APAF1: variants seen among roughly 807,000 people sequenced by gnomAD.
APAF1 encodes apoptotic protease-activating factor 1.
APAF1 carries 91 observed loss-of-function variants against 152.4 expected under a neutral mutation model. The ratio of observed to expected loss-of-function variants is 0.60; its 90% CI spans 0.50 to 0.71. The LOEUF is 0.71. Ranked by LOEUF, APAF1 falls within the 30% of genes least tolerant of loss-of-function variation. The pLI is 0.00. For synonymous variants in APAF1, 484 were observed against 494.1 expected (o/e 0.98, Z 0.27); for missense variants, 1,283 against 1,472.0 (o/e 0.87, Z 2.10).
At chr12:98,690,735 C>T (rs962863695) in intron 16 of APAF1, among the ~76,000 whole-genome samples, 5 of 152,170 alleles carry the variant, frequency 3.3e-5, no homozygotes, top group African/African-American at 4.8e-5. Context: ...CCACTAGTGC[C>T]TATTCTAATC....
In APAF1 at chr12:98,648,396, A is replaced by G. The variant is rs966090697; in HGVS notation, c.37A>G (p.Arg13Gly). 4.3e-6 allele frequency: 7 copies of G among 1,614,132 alleles called. No individual in the cohort carries two copies. In the Middle Eastern group the frequency reaches 6.6e-4, roughly 152 times the overall value. Reference protein sequence around the residue: ...AKARNCLLQHREALEKDIKTS... With the variant: ...AKARNCLLQHGEALEKDIKTS... ...AGCTCGAAATTGTTTGCTTCAACAT[A>G]GAGAAGCTCTGGAAAAGGACATCAA... The change falls in exon 2 of 27, where the codon AGA becomes GGA. Residue 13 changes from arginine (R) to glycine (G), a missense_variant. Physicochemically the swap from Arg to Gly is moderately radical, Grantham distance 125. Coordinates refer to ENST00000551964, the MANE Select transcript of APAF1 (RefSeq NM_181861.2).
intron 26 of APAF1, among the ~76,000 whole-genome samples, chr12:98,727,679 GC>G (rs777125322): frequency 6.6e-6 from 1 of 152,070 alleles, no homozygotes; most frequent in Non-Finnish European, 1.5e-5. Context: ...GGTGGCTCAC[GC>G]CTGTAATCCT....
At position 98,667,501 on chromosome 12, in the gene APAF1, A is replaced by T. The variant is rs2097674528; in HGVS notation, c.1363-12A>T. On this transcript the variant is annotated splice_polypyrimidine_tract_variant and intron_variant, in intron 9 of 26. Coordinates refer to ENST00000551964, the MANE Select transcript of APAF1 (RefSeq NM_181861.2). The stretch of plus-strand genomic sequence containing the variant: ...TTGTTTCTGGCTTCTGAAACGTTTC[A>T]TTGGGTTGCAGGATCTACATAAGAA... 6.2e-7 allele frequency: 1 copy of T among 1,613,088 alleles called. No homozygotes were observed. The highest frequency in any genetic ancestry group is 8.5e-7 in the Non-Finnish European group (1 of 1,179,762).
chr12:98,706,716 C>A, intron 19 of APAF1, 106 bp downstream of exon 19: 9 of 1,264,624 alleles, frequency 7.1e-6, no homozygotes, highest in Non-Finnish European at 6.9e-6. Context: ...GAATAGGAAA[C>A]TAGTACTATA....
Position 98,671,647 on chromosome 12 carries a change from C to G in APAF1, c.1721C>G (p.Ser574Ter). The G allele has an allele frequency of 6.2e-7, 1 of 1,613,894 alleles. No homozygotes were observed. Residue 574 changes from serine (S) to a stop codon, truncating the protein, a stop_gained, in exon 12 of 27, where the codon TCA becomes TGA. Transcript: ENST00000551964. LOFTEE classifies it high-confidence loss of function. Reference protein sequence around the residue: ...VQLGLCEPETSEVYQQAKLQA... With the variant: ...VQLGLCEPET ...CTGGGTCTCTGTGAGCCGGAAACTT[C>G]AGAAGTTTATCAGCAAGCTAAGCTG...
chr12:98,659,752 GAA>G (rs34536171), intron 5 of APAF1, among the ~76,000 whole-genome samples: 47 of 89,898 alleles, frequency 5.2e-4, no homozygotes, highest in African/African-American at 1.8e-3. Context: ...AACTCCATCA[GAA>G]AAAAAAAAAA....
intron 17 of APAF1, among the ~76,000 whole-genome samples, chr12:98,702,592 A>G (rs1247930259): frequency 1.3e-5 from 2 of 152,018 alleles, no homozygotes; most frequent in African/African-American, 2.4e-5. Context: ...TGGGAGGCCA[A>G]GGTGGGCGGA....
At chr12:98,700,745 T>C (rs866874267) in intron 17 of APAF1, among the ~76,000 whole-genome samples, 1 of 152,312 alleles carries the variant, frequency 6.6e-6, no homozygotes. Flanking sequence ...AAACAGAAAC[T>C]TTGTAACCAT....
intron 1 of APAF1, among the ~76,000 whole-genome samples, chr12:98,648,044 T>C (rs1311993334): frequency 6.6e-6 from 1 of 152,150 alleles, no homozygotes; most frequent in Non-Finnish European, 1.5e-5. Flanking sequence ...TCCTTAGAAA[T>C]GGGATTTCTG....
chr12:98,677,454 GC>G lies in APAF1; in HGVS notation c.1824del (p.Leu609Ter). On this transcript the variant is annotated frameshift_variant, in exon 13 of 27. Transcript: ENST00000551964. LOFTEE classifies it high-confidence loss of function. Reference sequence around the variant, plus strand: ...AAAAAAAACATCACGAATCTTTCCCGCTTAGTTGTCCGCCCCCACACAGATG... The same window carrying G: ...AAAAAAAACATCACGAATCTTTCCCGTTAGTTGTCCGCCCCCACACAGATG... ...INKKNITNLS[R>X]LVVRPHTDAV... 1 of 1,613,756 alleles carries G rather than the reference GC, an allele frequency of 6.2e-7. No individual in the cohort carries two copies. The highest frequency in any genetic ancestry group is 8.5e-7 in the Non-Finnish European group (1 of 1,179,936).
At chr12:98,729,999 G>T (rs963438110) in intron 26 of APAF1, among the ~76,000 whole-genome samples, 1 of 152,070 alleles carries the variant, frequency 6.6e-6, no homozygotes, top group Admixed American at 6.5e-5. Flanking sequence ...CCAACACAAA[G>T]AAAAGATAAA....
intron 13 of APAF1, among the ~76,000 whole-genome samples, chr12:98,679,230 G>C (rs2097689753): frequency 6.6e-6 from 1 of 152,166 alleles, no homozygotes; most frequent in Admixed American, 6.5e-5. Context: ...GCAGAGAGGA[G>C]CAACCCACTC....
chr12:98,672,691 T>C (rs1289819229), intron 12 of APAF1, among the ~76,000 whole-genome samples: 1 of 152,144 alleles, frequency 6.6e-6, no homozygotes, highest in African/African-American at 2.4e-5. Context: ...TAATGCTACA[T>C]AATCAAGTTA....
At chr12:98,681,129 T>C (rs2097691805) in intron 14 of APAF1, among the ~76,000 whole-genome samples, 1 of 152,218 alleles carries the variant, frequency 6.6e-6, no homozygotes, top group Non-Finnish European at 1.5e-5. Flanking sequence ...TGGTACAATC[T>C]CGGCTCACTG....
At chr12:98,708,051 A>G (rs568262422) in intron 19 of APAF1, among the ~76,000 whole-genome samples, 2 of 152,260 alleles carry the variant, frequency 1.3e-5, no homozygotes, top group African/African-American at 4.8e-5. Flanking sequence ...GGTTCAAGCA[A>G]TTCTCCTGTC....
chr12:98,665,942 G>C, intron 8 of APAF1, 151 bp downstream of exon 8: 3 of 782,192 alleles, frequency 3.8e-6, no homozygotes, highest in Non-Finnish European at 6.5e-6. Context: ...TCTGCTGTTA[G>C]CTTCCATTAA....
chr12:98,699,217 TTTTC>T (rs1396753438), intron 16 of APAF1, among the ~76,000 whole-genome samples, 187 bp from the exon 17 acceptor site: 2 of 152,222 alleles, frequency 1.3e-5, no homozygotes, highest in Admixed American at 6.5e-5. Flanking sequence ...GCTTCTAATT[TTTTC>T]TTTTTAAGAA....
In APAF1 at chr12:98,648,770, T is replaced by G; in HGVS notation, c.283T>G (p.Ser95Ala). Residue 95 changes from serine (S) to alanine (A), a missense_variant, in exon 3 of 27, where the codon TCT (serine) becomes GCT (alanine). Physicochemically the swap from Ser to Ala is moderately conservative, Grantham distance 99. Transcript: ENST00000551964. ...TCTCCATGATGGCATTCCTGTTGTC[T>G]CTTCTTCCAGTGGTAAAGATTCAGT... Reference protein sequence around the residue: ...ALLHDGIPVVSSSSGKDSVSG... With the variant: ...ALLHDGIPVVASSSGKDSVSG... 1 of 1,614,090 alleles carries G rather than the reference T, an allele frequency of 6.2e-7. No homozygotes were observed. The highest frequency in any genetic ancestry group is 8.5e-7 in the Non-Finnish European group (1 of 1,179,994).
Position 98,680,249 on chromosome 12 carries a change from A to G in APAF1, c.1921-28A>G, listed in dbSNP as rs771159626. 8 of 1,547,948 alleles carry G rather than the reference A, an allele frequency of 5.2e-6. No homozygotes were observed. In the East Asian group the frequency reaches 1.9e-4, roughly 38 times the overall value. On this transcript the variant is annotated intron_variant, in intron 13 of 26. Coordinates refer to ENST00000551964, the MANE Select transcript of APAF1 (RefSeq NM_181861.2). ...GACCAGTAGTTAAGCAGTTTATTAT[A>G]AAAAATATTTTATTGTTACTTGTGC...
Sources: allele counts gnomAD v4.1 joint callset (sites outside exome capture counted in the v4.1 genomes callset), GRCh38; gene constraint gnomAD v4.1.1; transcripts MANE v1.5; gene names NCBI Gene and HGNC (gene_info 2026-07-23, HGNC 2026-07-21).